CBFA2T2: variants seen among roughly 807,000 people sequenced by gnomAD.
CBFA2T2 encodes the protein CBFA2/RUNX1 partner transcriptional co-repressor 2.
In CBFA2T2, 11 loss-of-function variants were observed where a neutral mutation model predicts 62.2. That is an observed-to-expected ratio of 0.18 (90% confidence interval 0.11 to 0.29). The LOEUF (loss-of-function observed/expected upper bound fraction) is 0.29, where lower values mean the gene tolerates loss of function less well. CBFA2T2 is among the 10% of genes least tolerant of loss of function. The pLI, the probability that CBFA2T2 is intolerant of heterozygous loss-of-function variation, is 1.00. For synonymous variants in CBFA2T2, 295 were observed against 287.5 expected (o/e 1.03, Z -0.27); for missense variants, 592 against 774.1 (o/e 0.76, Z 2.79).
chr20:33,611,026 A>G, intron 2 of CBFA2T2, 68 bp from the exon 3 acceptor site: 1 of 1,587,156 alleles, frequency 6.3e-7, no homozygotes, highest in Non-Finnish European at 8.6e-7. Context: ...AATACAAACA[A>G]GAAAAAATGA....
intron 1 of CBFA2T2, among the ~76,000 whole-genome samples, chr20:33,596,198 C>T (rs982445572): frequency 4.6e-5 from 7 of 152,150 alleles, no homozygotes; most frequent in African/African-American, 1.4e-4. Context: ...TTTATATTAA[C>T]TCTTTCCTGG....
chr20:33,558,070 A>T (rs1162744362), intron 1 of CBFA2T2, among the ~76,000 whole-genome samples: 1 of 145,910 alleles, frequency 6.9e-6, no homozygotes, highest in East Asian at 2.1e-4. Flanking sequence ...CTCGTGATCC[A>T]CTCGTCTCGG....
intron 1 of CBFA2T2, among the ~76,000 whole-genome samples, chr20:33,493,895 T>C (rs1316457621): frequency 1.3e-5 from 2 of 152,082 alleles, no homozygotes; most frequent in Non-Finnish European, 2.9e-5. Flanking sequence ...TTTTATGGTT[T>C]TTTTTGAGAC....
intron 1 of CBFA2T2, among the ~76,000 whole-genome samples, chr20:33,574,702 G>A (rs2013743489): frequency 6.6e-6 from 1 of 152,212 alleles, no homozygotes; most frequent in African/African-American, 2.4e-5. Context: ...TTGGCATTTT[G>A]AGATGGAGGC....
intron 10 of CBFA2T2, 67 bp from the exon 11 acceptor site, chr20:33,644,280 G>A: frequency 6.5e-7 from 1 of 1,548,796 alleles, no homozygotes. Flanking sequence ...GCTTTACTGT[G>A]CAGGGAATGA....
At chr20:33,613,186 A>G (rs2015589485) in intron 3 of CBFA2T2, among the ~76,000 whole-genome samples, 1 of 152,254 alleles carries the variant, frequency 6.6e-6, no homozygotes, top group African/African-American at 2.4e-5. Flanking sequence ...CTTGTTACGT[A>G]TGACTGTAGG....
intron 7 of CBFA2T2, 22 bp from the exon 8 acceptor site, chr20:33,629,697 C>T: frequency 6.2e-7 from 1 of 1,602,670 alleles, no homozygotes; most frequent in East Asian, 2.2e-5. Flanking sequence ...CTCATCTCTG[C>T]CTGGCCCCCT....
At chr20:33,501,726 G>A (rs1328925019) in intron 1 of CBFA2T2, among the ~76,000 whole-genome samples, 1 of 120,150 alleles carries the variant, frequency 8.3e-6, no homozygotes, top group African/African-American at 3.1e-5. Flanking sequence ...TGCAACCTCC[G>A]ACTCCCTGGT....
At chr20:33,556,061 C>G (rs2012890379) in intron 1 of CBFA2T2, among the ~76,000 whole-genome samples, 1 of 152,188 alleles carries the variant, frequency 6.6e-6, no homozygotes, top group Non-Finnish European at 1.5e-5. Context: ...GAGATGGAGT[C>G]TCACTACGTT....
rs927061911 is a variant in CBFA2T2, at chr20:33,647,620, C to T, written c.*2974C>T. 13 of 152,200 alleles carry T rather than the reference C, an allele frequency of 8.5e-5. No individual in the cohort carries two copies. The highest frequency in any genetic ancestry group is 3.1e-4 in the African/African-American group (13 of 41,440). The allele number at this position is 152,200 out of a possible 1,614,324, so 9.4% of individuals were successfully genotyped here. The stretch of plus-strand genomic sequence containing the variant: ...TTTAAAATCTCCAGTGGCCATAAAA[C>T]TAGCCAGGGTAGCTCATGCTTTTAC... On this transcript the variant is annotated 3_prime_UTR_variant, in exon 11 of 11. Transcript: ENST00000342704.
chr20:33,578,009 T>A (rs2013908653), intron 1 of CBFA2T2, among the ~76,000 whole-genome samples: 1 of 152,200 alleles, frequency 6.6e-6, no homozygotes, highest in Non-Finnish European at 1.5e-5. Flanking sequence ...ACTCAAATCT[T>A]GGGTAAATAT....
In CBFA2T2 at chr20:33,547,073, A is replaced by C. The variant is rs1205938513; in HGVS notation, c.34+56772A>C. On this transcript the variant is annotated intron_variant, in intron 1 of 10. Coordinates refer to ENST00000342704, the MANE Select transcript of CBFA2T2 (RefSeq NM_001032999.3). ...AAAATTAGCCAGGCATGGGGTACAC[A>C]TCTGTAGTCCCAGCTACTCAGGAGG... Among the ~76,000 whole-genome samples the C allele has an allele frequency of 2.0e-5, 3 of 152,024 alleles. No individual in the cohort carries two copies. In the South Asian group the frequency reaches 6.2e-4, roughly 32 times the overall value.
At chr20:33,567,993 C>T (rs1399239817) in intron 1 of CBFA2T2, among the ~76,000 whole-genome samples, 1 of 152,132 alleles carries the variant, frequency 6.6e-6, no homozygotes, top group Non-Finnish European at 1.5e-5. Context: ...TGGAACGCAT[C>T]TCCTTCAGAC....
chr20:33,533,730 T>C (rs2012124844), intron 1 of CBFA2T2, among the ~76,000 whole-genome samples: 1 of 151,986 alleles, frequency 6.6e-6, no homozygotes, highest in African/African-American at 2.4e-5. Flanking sequence ...TCCCAGCACT[T>C]TGTGAGGCTG....
chr20:33,502,925 C>T (rs1447051887), intron 1 of CBFA2T2, among the ~76,000 whole-genome samples: 3 of 149,968 alleles, frequency 2.0e-5, no homozygotes, highest in African/African-American at 7.3e-5. Flanking sequence ...CCCATCTCTA[C>T]TAAAAAATAC....
At chr20:33,497,681 C>T (rs1456766404) in intron 1 of CBFA2T2, among the ~76,000 whole-genome samples, 2 of 151,684 alleles carry the variant, frequency 1.3e-5, no homozygotes, top group East Asian at 3.9e-4. Context: ...TCCCGAGTAG[C>T]AGGGACTACA....
chr20:33,526,653 TATG>T (rs1486972445), intron 1 of CBFA2T2, among the ~76,000 whole-genome samples: 1 of 152,148 alleles, frequency 6.6e-6, no homozygotes. Context: ...CCAAATTCAG[TATG>T]ATAAGTTAGC....
chr20:33,493,273 A>G (rs186965430), intron 1 of CBFA2T2, among the ~76,000 whole-genome samples: 85 of 150,400 alleles, frequency 5.7e-4, no homozygotes, highest in African/African-American at 2.0e-3. Flanking sequence ...ATGGGGTTTC[A>G]CTACATTGGC....
intron 1 of CBFA2T2, among the ~76,000 whole-genome samples, chr20:33,529,208 G>A (rs2011974002): frequency 6.6e-6 from 1 of 151,896 alleles, no homozygotes; most frequent in Non-Finnish European, 1.5e-5. Context: ...TGTATTTTTA[G>A]TAGAGAGGGG....
Sources: gnomAD v4.1 joint callset for allele counts (sites outside exome capture counted in the v4.1 genomes callset) on GRCh38, gnomAD v4.1.1 for gene constraint, MANE v1.5 for transcripts, NCBI Gene and HGNC (gene_info 2026-07-23, HGNC 2026-07-21) for gene names.